APOBEC3D: variants seen among roughly 807,000 people sequenced by gnomAD.
APOBEC3D encodes DNA dC->dU-editing enzyme APOBEC-3D.
A neutral mutation model predicts 45.6 loss-of-function variants in APOBEC3D; 37 were observed. The ratio of observed to expected loss-of-function variants is 0.81; its 90% CI spans 0.62 to 1.07. The LOEUF is 1.07. APOBEC3D is among the 50% of genes least tolerant of loss of function. The pLI is 0.00. For missense variants in APOBEC3D, 496 were observed against 495.3 expected (o/e 1.00, Z -0.01); for synonymous variants, 175 against 180.7 (o/e 0.97, Z 0.25).
At chr22:39,027,992 T>C (rs909777815) in intron 4 of APOBEC3D, among the ~76,000 whole-genome samples, 1 of 152,226 alleles carries the variant, frequency 6.6e-6, no homozygotes, top group African/African-American at 2.4e-5. Flanking sequence ...CAAAGGATGA[T>C]TGGAGCAATC....
rs1926273420 is a variant in APOBEC3D, at chr22:39,032,025, G to A, written c.1042+52G>A. 2.8e-5 allele frequency: 45 copies of A among 1,607,828 alleles called. 2 individuals carry two copies. In the South Asian group the frequency reaches 5.0e-4, roughly 18 times the overall value. On this transcript the variant is annotated intron_variant, in intron 6 of 6. Coordinates refer to ENST00000216099, the MANE Select transcript of APOBEC3D (RefSeq NM_152426.4). Reference sequence around the variant, plus strand: ...GGGTGCGGGAGGGACAGCATGAGGGGCAGGTGGGTCTGCAATGCCGTGGGG... The same window carrying A: ...GGGTGCGGGAGGGACAGCATGAGGGACAGGTGGGTCTGCAATGCCGTGGGG...
chr22:39,031,590 T>C (rs1186193470), intron 5 of APOBEC3D, 104 bp from the exon 6 acceptor site: 2 of 1,472,422 alleles, frequency 1.4e-6, no homozygotes, highest in Non-Finnish European at 1.8e-6. Context: ...AATAAGAAAA[T>C]GCCCTGGGGC....
chr22:39,032,019 T>G (rs1201084122), intron 6 of APOBEC3D, 46 bp downstream of exon 6: 11 of 1,609,364 alleles, frequency 6.8e-6, no homozygotes, highest in South Asian at 3.3e-5. Context: ...AGGGACAGCA[T>G]GAGGGGCAGG....
chr22:39,025,191 C>T lies in APOBEC3D; in HGVS notation c.332C>T (p.Pro111Leu). 6.2e-7 allele frequency: 1 copy of T among 1,614,084 alleles called. No homozygotes were observed. ...TTTGTATCATGGAACCCCTGCCTGC[C>T]CTGTGTGGTGAAGGTGACCAAATTC... ...TWFVSWNPCL[P>L]CVVKVTKFLA... The change falls in exon 3 of 7, where the codon CCC becomes CTC. Residue 111 changes from proline (P) to leucine (L), a missense_variant. Coordinates refer to ENST00000216099, the MANE Select transcript of APOBEC3D (RefSeq NM_152426.4).
chr22:39,030,878 T>C (rs1014329703), intron 5 of APOBEC3D, among the ~76,000 whole-genome samples: 9 of 152,296 alleles, frequency 5.9e-5, no homozygotes, highest in Non-Finnish European at 1.3e-4. Flanking sequence ...CCAAGCGCGG[T>C]GGCTCACGCC....
At chr22:39,023,913 C>G (rs1210215343) in intron 2 of APOBEC3D, among the ~76,000 whole-genome samples, 1 of 152,086 alleles carries the variant, frequency 6.6e-6, no homozygotes, top group Admixed American at 6.6e-5. Context: ...CGCCTTGTCC[C>G]ACCCATCCCT....
intron 5 of APOBEC3D, among the ~76,000 whole-genome samples, chr22:39,030,590 T>A (rs1173171832): frequency 6.6e-6 from 1 of 152,112 alleles, no homozygotes; most frequent in Non-Finnish European, 1.5e-5. Flanking sequence ...GATTTTGAAA[T>A]GCGCTGTGTA....
At chr22:39,021,616 C>T in intron 1 of APOBEC3D, 80 bp downstream of exon 1, 2 of 1,596,566 alleles carry the variant, frequency 1.3e-6, no homozygotes, top group Non-Finnish European at 8.6e-7. Flanking sequence ...CCCTGGCCTC[C>T]CCCTGCCCCA....
Position 39,032,211 on chromosome 22 carries a change from T to C in APOBEC3D, c.1056T>C (p.Cys352=). ...TTTTTTTCTCAGATTTTGTATCTTG[T>C]TGGAAAAACTTTGTGTACAGTGATG... ...KIMGYKDFVS[C]WKNFVYSDDE... The change falls in exon 7 of 7, where the codon TGT becomes TGC. Residue 352 remains cysteine, a synonymous_variant. Transcript: ENST00000216099. 6.2e-7 allele frequency: 1 copy of C among 1,613,966 alleles called. No homozygotes were observed. Among genetic ancestry groups the C allele is most frequent in the Non-Finnish European group, 8.5e-7 (1 of 1,179,952 alleles).
At chr22:39,023,596 G>A (rs1430856890) in intron 2 of APOBEC3D, among the ~76,000 whole-genome samples, 4 of 151,834 alleles carry the variant, frequency 2.6e-5, no homozygotes, top group African/African-American at 4.8e-5. Context: ...ACAGGTGCAC[G>A]CCACCGTGCC....
chr22:39,023,404 C>T (rs1925318538), intron 2 of APOBEC3D, among the ~76,000 whole-genome samples: 1 of 151,672 alleles, frequency 6.6e-6, no homozygotes, highest in Non-Finnish European at 1.5e-5. Flanking sequence ...GCATAAGCCA[C>T]CGTGCCTGGC....
intron 1 of APOBEC3D, 135 bp from the exon 2 acceptor site, chr22:39,022,687 G>A (rs1925237924): frequency 8.5e-7 from 1 of 1,183,388 alleles, no homozygotes; most frequent in Non-Finnish European, 1.2e-6. Context: ...GCCTGGGAAG[G>A]CAGCAGAAAT....
At chr22:39,021,588 G>T in intron 1 of APOBEC3D, 52 bp downstream of exon 1, 11 of 1,612,598 alleles carry the variant, frequency 6.8e-6, no homozygotes, top group Non-Finnish European at 8.5e-6. Context: ...TCCTTCTGGT[G>T]GTCCTGCTGG....
At position 39,029,443 on chromosome 22, in the gene APOBEC3D, G is replaced by C; in HGVS notation, c.686G>C (p.Ser229Thr). The C allele has an allele frequency of 6.2e-7, 1 of 1,614,190 alleles. No homozygotes were observed. Among genetic ancestry groups the C allele is most frequent in the South Asian group, 1.1e-5 (1 of 91,084 alleles). The change falls in exon 5 of 7, where the codon AGC becomes ACC. Residue 229 changes from serine (S) to threonine (T), a missense_variant. Ser to Thr is a moderately conservative substitution (Grantham distance 58). Transcript: ENST00000216099. ...CTGAAAGCCTGTGGTCGGAACGAAA[G>C]CTGGCTGTGCTTCACCATGGAAGTT... is the stretch of plus-strand genomic sequence containing the variant. ...NLLKACGRNE[S>T]WLCFTMEVTK...
intron 6 of APOBEC3D, 52 bp from the exon 7 acceptor site, chr22:39,032,146 C>T (rs1026908899): frequency 8.7e-6 from 14 of 1,603,142 alleles, no homozygotes; most frequent in African/African-American, 2.7e-5. Context: ...GGCCCAGGGC[C>T]GGGAGAGAGG....
In APOBEC3D at chr22:39,031,682, CT is replaced by C. The variant is rs1234980706; in HGVS notation, c.763-11del. 2 of 1,611,046 alleles carry C rather than the reference CT, an allele frequency of 1.2e-6. No homozygotes were observed. Among genetic ancestry groups the C allele is most frequent in the Admixed American group, 3.3e-5 (2 of 59,966 alleles). On this transcript the variant is annotated splice_polypyrimidine_tract_variant and intron_variant, in intron 5 of 6. Transcript: ENST00000216099. ...CTGAGCTCCCCCTGCCCTCCTCCTCCTCCTTCCCCAGGTGGATCCTGAGACC... is the reference window on the plus strand; with the variant it reads ...CTGAGCTCCCCCTGCCCTCCTCCTCCCCTTCCCCAGGTGGATCCTGAGACC...
intron 6 of APOBEC3D, 53 bp from the exon 7 acceptor site, chr22:39,032,145 C>T (rs1440082770): frequency 1.9e-6 from 3 of 1,602,632 alleles, no homozygotes; most frequent in Non-Finnish European, 2.6e-6. Flanking sequence ...GGGCCCAGGG[C>T]CGGGAGAGAG....
Position 39,029,631 on chromosome 22 carries a change from AC to A in APOBEC3D, c.762+113del, listed in dbSNP as rs1926010618. 2.4e-6 allele frequency: 3 copies of A among 1,258,190 alleles called. No individual in the cohort carries two copies. In the South Asian group the frequency reaches 5.0e-5, roughly 21 times the overall value. The allele number at this position is 1,258,190 out of a possible 1,614,324, so 77.9% of individuals were successfully genotyped here. A position where few individuals can be genotyped will look rare whatever the true frequency, so the allele number is the denominator to read the frequency against. Reference sequence around the variant, plus strand: ...GCTCTGCTATGTGTACTTTCCTCTTACATTTCTTTCTTTTTTTTTTTTTTAA... The same window carrying A: ...GCTCTGCTATGTGTACTTTCCTCTTAATTTCTTTCTTTTTTTTTTTTTTAA... On this transcript the variant is annotated intron_variant, in intron 5 of 6. Transcript: ENST00000216099.
Position 39,031,945 on chromosome 22 carries a change from G to A in APOBEC3D, c.1014G>A (p.Gly338=), listed in dbSNP as rs1462897660. 7.4e-6 allele frequency: 12 copies of A among 1,614,064 alleles called. No individual in the cohort carries two copies. The highest frequency in any genetic ancestry group is 1.6e-4 in the Middle Eastern group (1 of 6,084). Residue 338 remains glycine, a synonymous_variant, in exon 6 of 7, where the codon GGG becomes GGA. Transcript: ENST00000216099. ...QEGLCSLSQE[G]ASVKIMGYKD... ...GGCTCTGCAGCCTGAGTCAGGAAGG[G>A]GCCTCCGTGAAGATCATGGGCTACA...
Sources: gnomAD v4.1 joint callset for allele counts (sites outside exome capture counted in the v4.1 genomes callset) on GRCh38, gnomAD v4.1.1 for gene constraint, MANE v1.5 for transcripts, NCBI Gene and HGNC (gene_info 2026-07-23, HGNC 2026-07-21) for gene names.